Variants in PCDH15 observed in about 807,000 individuals in gnomAD.
PCDH15 encodes protocadherin related 15.
Under a neutral mutation model 178.5 loss-of-function variants are expected in PCDH15, and 129 were observed. That is an observed-to-expected ratio of 0.72 (90% CI 0.63 to 0.84). The LOEUF is 0.84. Among genes scored for constraint, PCDH15 ranks in the 40% least tolerant of loss-of-function variants. The pLI is 0.00. For synonymous variants in PCDH15, 800 were observed against 732.0 expected (o/e 1.09, Z -1.50); for missense variants, 2,230 against 2,099.9 (o/e 1.06, Z -1.21).
chr10:55,341,961 A>G (rs1481121442), intron 2 of PCDH15, among the ~76,000 whole-genome samples: 1 of 149,418 alleles, frequency 6.7e-6, no homozygotes, highest in Admixed American at 6.7e-5. Context: ...CTTTTTTTTT[A>G]ATTGATCAAG....
chr10:53,840,856 A>G (rs2077601294), intron 28 of PCDH15, among the ~76,000 whole-genome samples: 2 of 152,206 alleles, frequency 1.3e-5, no homozygotes, highest in Admixed American at 1.3e-4. Context: ...TTGACTTCAC[A>G]TGGTTGGTGT....
intron 37 of PCDH15, chr10:53,808,996 T>C (rs2075765027): frequency 6.4e-7 from 1 of 1,568,904 alleles, no homozygotes. Flanking sequence ...AGGTTCTTTT[T>C]GTTCTTCTTG....
intron 26 of PCDH15, among the ~76,000 whole-genome samples, chr10:53,900,288 G>C (rs2133620872): frequency 6.9e-6 from 1 of 145,968 alleles, no homozygotes; most frequent in East Asian, 2.0e-4. Context: ...ATTGTATAAA[G>C]TACCTAGTAT....
chr10:54,346,500 A>G lies in PCDH15; in HGVS notation c.475-16T>C. The G allele has an allele frequency of 6.2e-7, 1 of 1,612,754 alleles. No individual in the cohort carries two copies. The highest frequency in any genetic ancestry group is 1.3e-5 in the African/African-American group (1 of 75,026). On this transcript the variant is annotated splice_polypyrimidine_tract_variant and intron_variant, in intron 5 of 37. Coordinates refer to ENST00000644397, the MANE Select transcript of PCDH15 (RefSeq NM_001384140.1). ...CTGGAGTGAGCTGAAAGGAAAAAAG[A>G]TTTTAAATATCAATTTTCATTTTAT...
At chr10:55,394,543 G>C (rs1483335763) in intron 2 of PCDH15, among the ~76,000 whole-genome samples, 2 of 152,156 alleles carry the variant, frequency 1.3e-5, no homozygotes, top group South Asian at 4.2e-4. Context: ...AGCCAGGATT[G>C]AAAGCCTCCA....
chr10:54,092,647 C>T (rs1309109125), intron 15 of PCDH15, among the ~76,000 whole-genome samples: 1 of 152,034 alleles, frequency 6.6e-6, no homozygotes, highest in Non-Finnish European at 1.5e-5. Flanking sequence ...TAAGAATACA[C>T]TCAATAAAAT....
chr10:55,071,057 C>T (rs375432043), intron 2 of PCDH15, among the ~76,000 whole-genome samples: 1 of 152,010 alleles, frequency 6.6e-6, no homozygotes, highest in Non-Finnish European at 1.5e-5. Flanking sequence ...CTGAGAGATT[C>T]TGTCACCACC....
intron 1 of PCDH15, among the ~76,000 whole-genome samples, chr10:54,743,829 A>G (rs1945127401): frequency 6.6e-6 from 1 of 151,468 alleles, no homozygotes; most frequent in African/African-American, 2.4e-5. Flanking sequence ...AAAAAAAAAG[A>G]AAGTAAAAAG....
intron 2 of PCDH15, among the ~76,000 whole-genome samples, chr10:55,348,387 G>T (rs1844819270): frequency 6.6e-6 from 1 of 151,770 alleles, no homozygotes; most frequent in Admixed American, 6.6e-5. Flanking sequence ...CCTTTTTCCT[G>T]TGCTTTCTTT....
chr10:54,064,811 T>C (rs916027940), intron 18 of PCDH15, among the ~76,000 whole-genome samples: 2 of 152,064 alleles, frequency 1.3e-5, no homozygotes, highest in Non-Finnish European at 2.9e-5. Context: ...TCCGACTCTG[T>C]GGGGGCAGGG....
At chr10:54,155,812 TCCAAAA>T (rs1279763253) in intron 13 of PCDH15, among the ~76,000 whole-genome samples, 3 of 138,528 alleles carry the variant, frequency 2.2e-5, no homozygotes, top group Admixed American at 1.4e-4. Context: ...AAAAAAAAAA[TCCAAAA>T]CCTCAACGAC....
rs149417815 is a variant in PCDH15, at chr10:55,007,038, A to C, written c.-79-109538T>G. ...CCAGCACCCACAAGCATCTCTCTCT[A>C]TGTCTCTCTCTCTTGCTCTTGCTTT... On this transcript the variant is annotated intron_variant, in intron 2 of 5. Transcript: ENST00000458638. Among the ~76,000 whole-genome samples the C allele has an allele frequency of 1.7e-3, 259 of 151,898 alleles. 1 individual carries two copies. The highest frequency in any genetic ancestry group is 5.9e-3 in the African/African-American group (245 of 41,414).
chr10:54,796,128 T>C (rs1426277332), intron 1 of PCDH15, among the ~76,000 whole-genome samples: 1 of 151,794 alleles, frequency 6.6e-6, no homozygotes, highest in African/African-American at 2.4e-5. Context: ...TTATTGAAAC[T>C]TGAAGACCCA....
chr10:54,779,472 A>G (rs1950092201), intron 1 of PCDH15, among the ~76,000 whole-genome samples: 2 of 114,526 alleles, frequency 1.7e-5, no homozygotes, highest in Non-Finnish European at 3.8e-5. Flanking sequence ...GTGTATATAT[A>G]TACACACATA....
At chr10:53,822,068 A>T in intron 32 of PCDH15, 2 of 1,614,074 alleles carry the variant, frequency 1.2e-6, no homozygotes, top group African/African-American at 2.7e-5. Flanking sequence ...CTAAGTTTTT[A>T]ACGTGTCTGA....
chr10:54,685,429 T>A (rs1196872993), intron 1 of PCDH15, among the ~76,000 whole-genome samples: 1 of 152,186 alleles, frequency 6.6e-6, no homozygotes, highest in East Asian at 1.9e-4. Flanking sequence ...GTAGGTTTGT[T>A]TATACCAGAA....
At position 54,091,907 on chromosome 10, in the gene PCDH15, T is replaced by C. The variant is rs147402871; in HGVS notation, c.1918-1844A>G. Among the ~76,000 whole-genome samples the C allele has an allele frequency of 2.6e-5, 4 of 152,320 alleles. 1 individual carries two copies. The highest frequency in any genetic ancestry group is 5.9e-5 in the Non-Finnish European group (4 of 68,036). ...GTAGCTATAAATACTGTCTATCTGCTGAAGACGGTCATATCTCTAGGCTAG... is the reference window on the plus strand; with the variant it reads ...GTAGCTATAAATACTGTCTATCTGCCGAAGACGGTCATATCTCTAGGCTAG... On this transcript the variant is annotated intron_variant, in intron 15 of 37. Coordinates refer to ENST00000644397, the MANE Select transcript of PCDH15 (RefSeq NM_001384140.1).
chr10:53,997,185 T>C (rs545467233), intron 20 of PCDH15, among the ~76,000 whole-genome samples: 11 of 152,276 alleles, frequency 7.2e-5, no homozygotes, highest in African/African-American at 2.6e-4. Context: ...AAATACAGTA[T>C]TCACCATCTC....
chr10:53,897,959 C>CTTTTTTTTTTTTTTTTTTTTTTT (rs66513139), intron 26 of PCDH15, among the ~76,000 whole-genome samples: 3 of 82,412 alleles, frequency 3.6e-5, no homozygotes, highest in African/African-American at 1.1e-4. Flanking sequence ...TTTCTTTTCC[C>CTTTTTTTTTTTTTTTTTTTTTTT]TTTTTTTTTT....
Sources: gnomAD v4.1 joint callset for allele counts (sites outside exome capture counted in the v4.1 genomes callset) on GRCh38, gnomAD v4.1.1 for gene constraint, MANE v1.5 for transcripts, NCBI Gene and HGNC (gene_info 2026-07-23, HGNC 2026-07-21) for gene names.